PDHA1: variants seen among roughly 807,000 people sequenced by gnomAD.
PDHA1 encodes pyruvate dehydrogenase E1 subunit alpha 1.
PDHA1 carries 1 observed loss-of-function variant against 33.0 expected under a neutral mutation model. That is an observed-to-expected ratio of 0.03 (90% CI 0.01 to 0.14). The LOEUF is 0.14. Ranked by LOEUF, PDHA1 falls within the 10% of genes least tolerant of loss-of-function variation. PDHA1 has a pLI of 1.00. For missense variants in PDHA1, 168 were observed against 325.1 expected, an observed-to-expected ratio of 0.52 and a Z score of 3.72; for synonymous variants, 123 against 119.2, an observed-to-expected ratio of 1.03 and a Z score of -0.21.
chrX:19,354,665 C>A, intron 6 of PDHA1, 82 bp downstream of exon 6: 3 of 665,410 alleles, frequency 4.5e-6, no homozygotes, highest in Non-Finnish European at 7.5e-6. Flanking sequence ...AAAGAAGTAG[C>A]ATATTGCTTA....
chrX:19,354,473 G>T lies in PDHA1; in HGVS notation c.511-18G>T. The T allele has an allele frequency of 1.9e-6, 2 of 1,046,643 alleles. No homozygotes were observed. Among genetic ancestry groups the T allele is most frequent in the Non-Finnish European group, 2.7e-6 (2 of 745,287 alleles). The allele number at this position is 1,046,643 out of a possible 1,213,427, so 86.3% of individuals were successfully genotyped here. A position where few individuals can be genotyped will look rare whatever the true frequency, so the allele number is the denominator to read the frequency against. On this transcript the variant is annotated intron_variant, in intron 5 of 10. Transcript: ENST00000422285. ...CATGGATTTCTGTGGTTCCTTTCTC[G>T]GTTGTCCTTAATGTTAGGTGCCCCT...
Position 19,360,846 on chromosome X carries a change from C to CA in PDHA1, c.*1194dup, listed in dbSNP as rs2063276313. On this transcript the variant is annotated 3_prime_UTR_variant, in exon 11 of 11. Coordinates refer to ENST00000422285, the MANE Select transcript of PDHA1 (RefSeq NM_000284.4). ...GAGGAGACCACCCCTGGGAAACAAA[C>CA]ACAGCTGTCTTCAGAGTCAGTGCTT... is the stretch of plus-strand genomic sequence containing the variant. The CA allele has an allele frequency of 1.7e-6, 2 of 1,146,288 alleles. No homozygotes were observed. The highest frequency in any genetic ancestry group is 1.8e-5 in the African/African-American group (1 of 56,426). The allele number at this position is 1,146,288 out of a possible 1,213,427, so 94.5% of individuals were successfully genotyped here. A position where few individuals can be genotyped will look rare whatever the true frequency, so the allele number is the denominator to read the frequency against.
intron 2 of PDHA1, 122 bp downstream of exon 2, chrX:19,349,493 G>A (rs1226023072): frequency 1.9e-6 from 1 of 524,728 alleles, no homozygotes; most frequent in East Asian, 3.6e-5. Flanking sequence ...AAATGTTCCA[G>A]GATCAGAAGT....
chrX:19,354,412 G>A lies in PDHA1; in HGVS notation c.511-79G>A, dbSNP rs1223793909. The A allele has an allele frequency of 4.9e-6, 3 of 608,116 alleles. No individual in the cohort carries two copies. The South Asian group carries it at 6.7e-5, about 14-fold the overall frequency. The allele number at this position is 608,116 out of a possible 1,213,427, so 50.1% of individuals were successfully genotyped here. ...AATTTCTGTGTCAGATTCTGGCCAG[G>A]AGTGAAAATGCAGGGCATTAATTAG... On this transcript the variant is annotated intron_variant, in intron 5 of 10. Transcript: ENST00000422285.
chrX:19,360,826 G>C lies in PDHA1; in HGVS notation c.*1173G>C, dbSNP rs1335155853. 8.3e-7 allele frequency: 1 copy of C among 1,199,094 alleles called. No homozygotes were observed. The highest frequency in any genetic ancestry group is 1.8e-5 in the African/African-American group (1 of 56,673). ...ACCGCACTCCAGAGTCTGCAGAGGA[G>C]ACCACCCCTGGGAAACAAACACAGC... On this transcript the variant is annotated 3_prime_UTR_variant, in exon 11 of 11. Coordinates refer to ENST00000422285, the MANE Select transcript of PDHA1 (RefSeq NM_000284.4).
At chrX:19,347,626 C>T (rs1309683269) in intron 1 of PDHA1, among the ~76,000 whole-genome samples, 3 of 112,387 alleles carry the variant, frequency 2.7e-5, no homozygotes, top group Non-Finnish European at 5.6e-5. Flanking sequence ...GGTTTGGACT[C>T]CTGCCTTCCA....
In PDHA1 at chrX:19,359,510, A is replaced by G; in HGVS notation, c.1030A>G (p.Lys344Glu). ...TTAGGAAATTGATGTGGAAGTGAGG[A>G]AGGAGATTGAGGATGCTGCCCAGTT... ...ELKEIDVEVR[K>E]EIEDAAQFAT... Residue 344 changes from lysine (K) to glutamate (E), a missense_variant, in exon 11 of 11, where the codon AAG (lysine) becomes GAG (glutamate). Coordinates refer to ENST00000422285, the MANE Select transcript of PDHA1 (RefSeq NM_000284.4). 8.3e-7 allele frequency: 1 copy of G among 1,210,284 alleles called. No homozygotes were observed. The highest frequency in any genetic ancestry group is 1.1e-6 in the Non-Finnish European group (1 of 894,232).
chrX:19,360,117 T>C lies in PDHA1; in HGVS notation c.*464T>C, dbSNP rs939689528. ...ACAGTTCCATTTTAAAATAAGACTT[T>C]TGTAATCATTCCAATTTTGTAATCA... On this transcript the variant is annotated 3_prime_UTR_variant, in exon 11 of 11. Transcript: ENST00000422285. 1.3e-5 allele frequency: 2 copies of C among 154,906 alleles called. No individual in the cohort carries two copies. The highest frequency in any genetic ancestry group is 2.5e-5 in the Non-Finnish European group (2 of 80,795). The allele number at this position is 154,906 out of a possible 1,213,427, so 12.8% of individuals were successfully genotyped here. A position where few individuals can be genotyped will look rare whatever the true frequency, so the allele number is the denominator to read the frequency against.
chrX:19,347,105 G>A (rs2063139595), intron 1 of PDHA1, among the ~76,000 whole-genome samples: 1 of 110,681 alleles, frequency 9.0e-6, no homozygotes. Context: ...TGTTGCCCAG[G>A]CTGGCTTTGA....
intron 5 of PDHA1, among the ~76,000 whole-genome samples, chrX:19,353,652 C>T (rs963535877): frequency 1.8e-4 from 20 of 111,925 alleles, no homozygotes; most frequent in African/African-American, 5.8e-4. Context: ...AGACCTAGTG[C>T]TTCATATCCT....
intron 9 of PDHA1, among the ~76,000 whole-genome samples, chrX:19,358,632 C>G (rs146055754): frequency 5.2e-4 from 58 of 111,801 alleles, no homozygotes; most frequent in Admixed American, 8.6e-4. Context: ...CCCCTGTTGT[C>G]GGAATGCCAG....
intron 6 of PDHA1, 134 bp downstream of exon 6, chrX:19,354,717 T>C (rs1309848605): frequency 3.8e-6 from 2 of 529,060 alleles, no homozygotes; most frequent in Non-Finnish European, 6.8e-6. Flanking sequence ...CAAATTTGGT[T>C]GACTTATGGC....
chrX:19,359,340 GAAATCTGTATTCCA>G (rs2063240276), intron 10 of PDHA1, 135 bp from the exon 11 acceptor site: 9 of 528,316 alleles, frequency 1.7e-5, no homozygotes, highest in Non-Finnish European at 2.7e-5. Context: ...ATACACCCTA[GAAATCTGTATTCCA>G]AAATCTTCTG....
chrX:19,350,202 G>C lies in PDHA1; in HGVS notation c.291+92G>C, dbSNP rs1475426065. On this transcript the variant is annotated intron_variant, in intron 3 of 10. Coordinates refer to ENST00000422285, the MANE Select transcript of PDHA1 (RefSeq NM_000284.4). ...CTTTACCCTGCCATATGTATCAGAA[G>C]AGTTTGAGGCTGGTAATGTAATTTT... 4.6e-6 allele frequency: 3 copies of C among 646,658 alleles called. No individual in the cohort carries two copies. The East Asian group carries it at 9.6e-5, about 21-fold the overall frequency. 53.3% of individuals were successfully genotyped at this position (646,658 alleles called of 1,213,427 possible). A position where few individuals can be genotyped will look rare whatever the true frequency, so the allele number is the denominator to read the frequency against.
At position 19,358,828 on chromosome X, in the gene PDHA1, A is replaced by G. The variant is rs1569193325; in HGVS notation, c.900-88A>G. On this transcript the variant is annotated intron_variant, in intron 9 of 10. Coordinates refer to ENST00000422285, the MANE Select transcript of PDHA1 (RefSeq NM_000284.4). ...TTCTGTATTTCACCTCATTGGGACA[A>G]TCCAACCCCATATCATGTTTCATCA... The G allele has an allele frequency of 2.3e-5, 13 of 576,670 alleles. No individual in the cohort carries two copies. The East Asian group carries it at 3.6e-4, about 16-fold the overall frequency. The allele number at this position is 576,670 out of a possible 1,213,427, so 47.5% of individuals were successfully genotyped here.
chrX:19,355,783 A>G, intron 8 of PDHA1, 26 bp downstream of exon 8: 3 of 1,098,426 alleles, frequency 2.7e-6, no homozygotes. Flanking sequence ...CCTCTGGGCT[A>G]GTGACATTTA....
At chrX:19,359,386 G>GTAGT (rs2063241659) in intron 10 of PDHA1, 103 bp from the exon 11 acceptor site, 2 of 644,266 alleles carry the variant, frequency 3.1e-6, no homozygotes, top group Non-Finnish European at 5.2e-6. Context: ...GTTCGTACTT[G>GTAGT]TAGTTAAAGA....
chrX:19,360,763 T>G lies in PDHA1; in HGVS notation c.*1110T>G. 1 of 1,208,509 alleles carries G rather than the reference T, an allele frequency of 8.3e-7. No individual in the cohort carries two copies. Among genetic ancestry groups the G allele is most frequent in the East Asian group, 3.0e-5 (1 of 33,801 alleles). On this transcript the variant is annotated 3_prime_UTR_variant, in exon 11 of 11. Coordinates refer to ENST00000422285, the MANE Select transcript of PDHA1 (RefSeq NM_000284.4). ...GCTGATTGGTATCAAGCCTTGTCTT[T>G]GGTTTCTGAGGCCTCCTGAGCCCTT... is the stretch of plus-strand genomic sequence containing the variant.
chrX:19,358,803 T>C lies in PDHA1; in HGVS notation c.900-113T>C, dbSNP rs1296503353. 22 of 534,206 alleles carry C rather than the reference T, an allele frequency of 4.1e-5. No homozygotes were observed. In the Admixed American group the frequency reaches 5.5e-4, roughly 13 times the overall value. 44.0% of individuals were successfully genotyped at this position (534,206 alleles called of 1,213,427 possible). A position where few individuals can be genotyped will look rare whatever the true frequency, so the allele number is the denominator to read the frequency against. ...ATGCCCCTTTGTTTCAGAAACACAC[T>C]TCTGTATTTCACCTCATTGGGACAA... On this transcript the variant is annotated intron_variant, in intron 9 of 10. Transcript: ENST00000422285.
Sources: allele counts gnomAD v4.1 joint callset (sites outside exome capture counted in the v4.1 genomes callset), GRCh38; gene constraint gnomAD v4.1.1; transcripts MANE v1.5; gene names NCBI Gene and HGNC (gene_info 2026-07-23, HGNC 2026-07-21).